The following ERCC4 variants were observed in gnomAD, a reference collection of about 807,000 sequenced individuals.
ERCC4 encodes the protein ERCC excision repair 4, endonuclease catalytic subunit, also known as DNA repair endonuclease XPF.
ERCC4 carries 65 observed loss-of-function variants against 76.9 expected under a neutral mutation model. The ratio of observed to expected loss-of-function variants is 0.84; its 90% CI spans 0.69 to 1.04. The LOEUF (loss-of-function observed/expected upper bound fraction) is 1.04, where lower values mean the gene tolerates loss of function less well. ERCC4 is among the 50% of genes least tolerant of loss of function. ERCC4 has a pLI of 0.00. For synonymous variants in ERCC4, 463 were observed against 410.1 expected, an observed-to-expected ratio of 1.13 and a Z score of -1.56; for missense variants, 1,214 against 1,128.2, an observed-to-expected ratio of 1.08 and a Z score of -1.09.
rs1403769639 is a variant in ERCC4 at position 13,947,882 on chromosome 16, C to G, written c.2286C>G (p.Asp762Glu). The G allele has an allele frequency of 6.2e-7, 1 of 1,614,140 alleles. No individual in the cohort carries two copies. The highest frequency in any genetic ancestry group is 8.5e-7 in the Non-Finnish European group (1 of 1,180,026). The change falls in exon 11 of 11, where the codon GAC becomes GAG. Residue 762 changes from aspartate to glutamate, a missense_variant. Coordinates refer to ENST00000311895, the MANE Select transcript of ERCC4 (RefSeq NM_005236.3). ...YKRPVLLIEF[D>E]PSKPFSLTSR... Reference sequence around the variant, plus strand: ...GTCCCGTGCTTCTGATTGAGTTTGACCCTAGCAAGCCTTTCTCTCTCACTT... The same window carrying G: ...GTCCCGTGCTTCTGATTGAGTTTGAGCCTAGCAAGCCTTTCTCTCTCACTT...
chr16:13,943,567 C>G (rs373934748), intron 9 of ERCC4, among the ~76,000 whole-genome samples: 1 of 152,288 alleles, frequency 6.6e-6, no homozygotes, highest in African/African-American at 2.4e-5. Context: ...TGGGGATTAT[C>G]GGAACTATTA....
chr16:13,931,241 A>AGTATGGG (rs1567245484), intron 5 of ERCC4: 1 of 263,412 alleles, frequency 3.8e-6, no homozygotes, highest in Non-Finnish European at 7.4e-6. Flanking sequence ...AAAGCAAGGG[A>AGTATGGG]GTATGGGGCT....
At chr16:13,941,678 T>A (rs2032415451) in intron 9 of ERCC4, among the ~76,000 whole-genome samples, 1 of 152,242 alleles carries the variant, frequency 6.6e-6, no homozygotes, top group African/African-American at 2.4e-5. Flanking sequence ...AATAATTTTA[T>A]TTCTACCCAG....
rs4986933 is a variant in ERCC4, at chr16:13,948,175, C to A, written c.2579C>A (p.Ala860Asp). 767 of 1,614,134 alleles carry A rather than the reference C, an allele frequency of 4.8e-4. 1 individual carries two copies. In the African/African-American group the frequency reaches 8.5e-3, roughly 18 times the overall value. Reference sequence around the variant, plus strand: ...TTGTTAAAAATGCCAGGGGTGAATGCCAAAAACTGCCGCTCCTTGATGCAC... The same window carrying A: ...TTGTTAAAAATGCCAGGGGTGAATGACAAAAACTGCCGCTCCTTGATGCAC... ...DFLLKMPGVNAKNCRSLMHHV... is the reference protein window; with the variant it reads ...DFLLKMPGVNDKNCRSLMHHV... Residue 860 changes from alanine (A) to aspartate (D), a missense_variant, in exon 11 of 11, where the codon GCC (alanine) becomes GAC (aspartate). Ala to Asp is a moderately radical substitution (Grantham distance 126). Coordinates refer to ENST00000311895, the MANE Select transcript of ERCC4 (RefSeq NM_005236.3).
intron 6 of ERCC4, 46 bp from the exon 7 acceptor site, chr16:13,934,146 G>T: frequency 7.9e-7 from 1 of 1,270,828 alleles, no homozygotes; most frequent in South Asian, 1.2e-5. Context: ...AAGACTTTAT[G>T]GGTAAATATT....
chr16:13,922,258 T>G lies in ERCC4; in HGVS notation c.388+47T>G, dbSNP rs772713662. On this transcript the variant is annotated intron_variant, in intron 2 of 10. Coordinates refer to ENST00000311895, the MANE Select transcript of ERCC4 (RefSeq NM_005236.3). ...ATTAGTATGTAAATTTGTACTTTTT[T>G]TTTTTTAAGTACAATTTCCATTTTA... 60 of 1,278,536 alleles carry G rather than the reference T, an allele frequency of 4.7e-5. No individual in the cohort carries two copies. In the Middle Eastern group the frequency reaches 8.2e-4, roughly 17 times the overall value. The allele number at this position is 1,278,536 out of a possible 1,614,324, so 79.2% of individuals were successfully genotyped here.
chr16:13,934,893 A>G lies in ERCC4; in HGVS notation c.1214-253A>G, dbSNP rs188842859. 63 of 413,102 alleles carry G rather than the reference A, an allele frequency of 1.5e-4. 1 individual carries two copies. The highest frequency in any genetic ancestry group is 9.7e-4 in the East Asian group (27 of 27,700). The allele number at this position is 413,102 out of a possible 1,614,324, so 25.6% of individuals were successfully genotyped here. On this transcript the variant is annotated intron_variant, in intron 7 of 10. Coordinates refer to ENST00000311895, the MANE Select transcript of ERCC4 (RefSeq NM_005236.3). ...TAAAAAGAACTTCTTTAAAGCCCCA[A>G]TTACACCACAGTTGTACTTTCATAA...
rs2141607915 is a variant in ERCC4 at position 13,935,598 on chromosome 16, C to G, written c.1666C>G (p.Pro556Ala). 1 of 1,614,166 alleles carries G rather than the reference C, an allele frequency of 6.2e-7. No homozygotes were observed. The highest frequency in any genetic ancestry group is 1.1e-5 in the South Asian group (1 of 91,084). The change falls in exon 8 of 11, where the codon CCG (proline) becomes GCG (alanine). Residue 556 changes from proline to alanine, a missense_variant. Pro to Ala is a conservative substitution (Grantham distance 27, BLOSUM62 -1). Transcript: ENST00000311895. ...GAAAGAACCCCTCACTATCATCCAT[C>G]CGCTTCTGGGTTGCAGCGACCCCTA... ...ILKEPLTIIH[P>A]LLGCSDPYAL...
At position 13,949,025 on chromosome 16, in the gene ERCC4, C is replaced by G. The variant is rs994440819; in HGVS notation, c.*678C>G. The G allele has an allele frequency of 3.9e-5, 9 of 232,920 alleles. No homozygotes were observed. The highest frequency in any genetic ancestry group is 6.6e-5 in the African/African-American group (3 of 45,436). 14.4% of individuals were successfully genotyped at this position (232,920 alleles called of 1,614,324 possible). A position where few individuals can be genotyped will look rare whatever the true frequency, so the allele number is the denominator to read the frequency against. ...TCTGCTCTAAGGAAATTTCATGGAG[C>G]CTTCCTACTACTAATTCAAGACAGT... On this transcript the variant is annotated 3_prime_UTR_variant, in exon 11 of 11. Transcript: ENST00000311895.
At chr16:13,924,564 G>T (rs2032038852) in intron 2 of ERCC4, among the ~76,000 whole-genome samples, 1 of 152,216 alleles carries the variant, frequency 6.6e-6, no homozygotes, top group African/African-American at 2.4e-5. Flanking sequence ...GAATGGGACA[G>T]TATGGTGAAC....
rs373408411 is a variant in ERCC4 at position 13,926,709 on chromosome 16, A to G, written c.537A>G (p.Glu179=). The change falls in exon 3 of 11, where the codon GAA becomes GAG. Residue 179 remains glutamate (E), a synonymous_variant. Transcript: ENST00000311895. The part of the protein sequence containing the change: ...VAFDTGFCHV[E]RVMRNLFVRK... ...TTGATACTGGTTTTTGTCATGTGGAAAGAGTGATGAGAAATCTTTTTGTGA... is the reference window on the plus strand; with the variant it reads ...TTGATACTGGTTTTTGTCATGTGGAGAGAGTGATGAGAAATCTTTTTGTGA... 1.4e-5 allele frequency: 23 copies of G among 1,614,132 alleles called. No homozygotes were observed. In the African/African-American group the frequency reaches 2.5e-4, roughly 18 times the overall value.
chr16:13,928,306 G>A, intron 4 of ERCC4, 71 bp downstream of exon 4: 2 of 1,117,748 alleles, frequency 1.8e-6, no homozygotes, highest in Non-Finnish European at 2.7e-6. Flanking sequence ...TTTAATATTT[G>A]CAATGTTGTT....
At position 13,931,036 on chromosome 16, in the gene ERCC4, A is replaced by T. The variant is rs959589323; in HGVS notation, c.973+146A>T. On this transcript the variant is annotated intron_variant, in intron 5 of 10. Coordinates refer to ENST00000311895, the MANE Select transcript of ERCC4 (RefSeq NM_005236.3). ...TATGTTTTATGTTCATAGCACAAAG[A>T]TGTAGGTTTTATTGATAGCTAATGT... 5 of 671,844 alleles carry T rather than the reference A, an allele frequency of 7.4e-6. No homozygotes were observed. The African/African-American group carries it at 9.0e-5, about 12-fold the overall frequency. 41.6% of individuals were successfully genotyped at this position (671,844 alleles called of 1,614,324 possible).
Position 13,934,270 on chromosome 16 carries a change from A to G in ERCC4, c.1181A>G (p.Glu394Gly), listed in dbSNP as rs1290119459. Residue 394 changes from glutamate (E) to glycine (G), a missense_variant, in exon 7 of 11, where the codon GAA becomes GGA. Transcript: ENST00000311895. ...GAAGTATTAAAAGAAATTGAGGCAG[A>G]AAATAAGGAGAGTGAAGCTCTTGGT... ...LTEVLKEIEAENKESEALGGP... is the reference protein window; with the variant it reads ...LTEVLKEIEAGNKESEALGGP... 1 of 1,613,576 alleles carries G rather than the reference A, an allele frequency of 6.2e-7. No individual in the cohort carries two copies.
chr16:13,920,381 G>A lies in ERCC4; in HGVS notation c.207+9G>A. ...CGCAGCCGGCCGAGGAGGTGCGGCC[G>A]CGCTGGCGCGGGAGTGAGGGGACTC... is the stretch of plus-strand genomic sequence containing the variant. On this transcript the variant is annotated intron_variant, in intron 1 of 10. Transcript: ENST00000311895. 1 of 1,558,896 alleles carries A rather than the reference G, an allele frequency of 6.4e-7. No homozygotes were observed. Among genetic ancestry groups the A allele is most frequent in the South Asian group, 1.2e-5 (1 of 86,810 alleles).
chr16:13,937,067 G>A (rs906369017), intron 8 of ERCC4, among the ~76,000 whole-genome samples: 2 of 148,096 alleles, frequency 1.4e-5, no homozygotes, highest in Non-Finnish European at 3.0e-5. Flanking sequence ...CTACAGGCAT[G>A]TGCCACCATG....
chr16:13,935,873 T>G (rs1348753203), intron 8 of ERCC4, 130 bp downstream of exon 8: 1 of 787,966 alleles, frequency 1.3e-6, no homozygotes. Context: ...AACCTTATTT[T>G]GCTTCCTGAT....
At chr16:13,924,226 C>T (rs1020342147) in intron 2 of ERCC4, among the ~76,000 whole-genome samples, 4 of 152,184 alleles carry the variant, frequency 2.6e-5, no homozygotes, top group African/African-American at 9.7e-5. Flanking sequence ...CCAACTTCTT[C>T]ACCTGTCACC....
intron 6 of ERCC4, 46 bp downstream of exon 6, chr16:13,932,331 T>G: frequency 6.4e-7 from 1 of 1,570,348 alleles, no homozygotes; most frequent in Non-Finnish European, 8.7e-7. Flanking sequence ...TATTTCGGTA[T>G]TTGGTATGGA....
Sources: allele counts gnomAD v4.1 joint callset (sites outside exome capture counted in the v4.1 genomes callset), GRCh38; gene constraint gnomAD v4.1.1; transcripts MANE v1.5; gene names NCBI Gene and HGNC (gene_info 2026-07-23, HGNC 2026-07-21).